Variants in RAI14 observed in about 807,000 individuals in gnomAD.
The protein encoded by RAI14 is retinoic acid induced 14, also known as ankycorbin.
RAI14 carries 45 observed loss-of-function variants against 115.4 expected under a neutral mutation model. The ratio of observed to expected loss-of-function variants is 0.39; its 90% confidence interval spans 0.31 to 0.50. The LOEUF (loss-of-function observed/expected upper bound fraction) is 0.50, where lower values mean the gene tolerates loss of function less well. RAI14 is among the 20% of genes least tolerant of loss of function. The pLI, the probability that RAI14 is intolerant of heterozygous loss-of-function variation, is 0.85. For synonymous variants in RAI14, 371 were observed against 415.4 expected (o/e 0.89, Z 1.30); for missense variants, 939 against 1,131.2 (o/e 0.83, Z 2.44).
chr5:34,807,722 C>A, intron 5 of RAI14, 78 bp from the exon 6 acceptor site: 2 of 1,126,238 alleles, frequency 1.8e-6, no homozygotes, highest in Non-Finnish European at 2.7e-6. Context: ...CACATCATAC[C>A]TTGCAGGAAA....
intron 2 of RAI14, among the ~76,000 whole-genome samples, chr5:34,689,522 A>G (rs1329746949): frequency 2.0e-5 from 3 of 152,152 alleles, no homozygotes; most frequent in South Asian, 2.1e-4. Context: ...ATTCCTCACT[A>G]GAAAAGTGGA....
chr5:34,702,988 G>T (rs1406699991), intron 2 of RAI14, among the ~76,000 whole-genome samples: 1 of 152,202 alleles, frequency 6.6e-6, no homozygotes, highest in African/African-American at 2.4e-5. Context: ...TTATAGGCGT[G>T]AGCCACCATG....
Position 34,676,348 on chromosome 5 carries a change from C to G in RAI14, c.-48-10524C>G, listed in dbSNP as rs1401053618. On this transcript the variant is annotated intron_variant, in intron 1 of 17. Transcript: ENST00000265109. Reference sequence around the variant, plus strand: ...TAGACGGTGGTATTGTAATGAACATCAAAAGATAAGTAACACAGAACAGGA... The same window carrying G: ...TAGACGGTGGTATTGTAATGAACATGAAAAGATAAGTAACACAGAACAGGA... Among the ~76,000 whole-genome samples, 4 of 152,262 alleles carry G rather than the reference C, an allele frequency of 2.6e-5. No individual in the cohort carries two copies. The East Asian group carries it at 7.7e-4, about 29-fold the overall frequency.
Position 34,824,128 on chromosome 5 carries a change from A to G in RAI14, c.2286A>G (p.Glu762=), listed in dbSNP as rs760238753. ...TTAAGGAACACCTTGCAAGCAAGGA[A>G]GTGGAAGTAGCAAAGCTGGAGAAAC... ...SNLKEHLASK[E]VEVAKLEKQL... is the part of the protein sequence containing the mutation. The change falls in exon 15 of 18, where the codon GAA becomes GAG. Residue 762 remains glutamate, a synonymous_variant. Transcript: ENST00000265109. 3.8e-5 allele frequency: 62 copies of G among 1,613,858 alleles called. No individual in the cohort carries two copies. Among genetic ancestry groups the G allele is most frequent in the Non-Finnish European group, 4.8e-5 (57 of 1,179,832 alleles).
chr5:34,665,951 C>A (rs753093117), intron 1 of RAI14, among the ~76,000 whole-genome samples: 2 of 152,118 alleles, frequency 1.3e-5, no homozygotes, highest in Non-Finnish European at 2.9e-5. Flanking sequence ...ATACTATTGA[C>A]CATTTTTAGG....
At chr5:34,724,197 G>A (rs998362442) in intron 2 of RAI14, among the ~76,000 whole-genome samples, 2 of 151,978 alleles carry the variant, frequency 1.3e-5, no homozygotes, top group African/African-American at 4.8e-5. Flanking sequence ...TTGTATTTTA[G>A]TAGAGTCGGG....
intron 1 of RAI14, among the ~76,000 whole-genome samples, chr5:34,666,070 G>A (rs1258151791): frequency 1.3e-5 from 2 of 152,180 alleles, no homozygotes; most frequent in Admixed American, 1.3e-4. Flanking sequence ...TGAGTCTTAA[G>A]TTTCTCACCC....
At chr5:34,818,409 CAT>C (rs1327113916) in intron 12 of RAI14, among the ~76,000 whole-genome samples, 1 of 152,192 alleles carries the variant, frequency 6.6e-6, no homozygotes, top group African/African-American at 2.4e-5. Flanking sequence ...ATAATGCAGA[CAT>C]ATAGAACTTC....
chr5:34,693,990 C>A (rs766258164), intron 2 of RAI14, among the ~76,000 whole-genome samples: 16 of 152,148 alleles, frequency 1.1e-4, no homozygotes, highest in Non-Finnish European at 1.9e-4. Context: ...TCCAGTGGTG[C>A]CAGTAAAACA....
intron 2 of RAI14, among the ~76,000 whole-genome samples, chr5:34,693,683 C>T (rs180790397): frequency 2.0e-5 from 3 of 152,306 alleles, no homozygotes; most frequent in East Asian, 3.9e-4. Flanking sequence ...TGGTAACTCT[C>T]CTGGTTTTTC....
Position 34,665,198 on chromosome 5 carries a change from T to TATATATACAC in RAI14, c.-49+8724_-49+8725insTATATACACA, listed in dbSNP as rs369742853. Among the ~76,000 whole-genome samples, 2 of 75,710 alleles carry TATATATACAC rather than the reference T, an allele frequency of 2.6e-5. 1 individual carries two copies. The highest frequency in any genetic ancestry group is 9.9e-5 in the African/African-American group (2 of 20,178). The allele number at this position is 75,710 out of a possible 152,430, so 49.7% of individuals were successfully genotyped here. A position where few individuals can be genotyped will look rare whatever the true frequency, so the allele number is the denominator to read the frequency against. ...ACACACATATATATATGTATATATATACACACACCACAGTTTCTTTATCCA... is the reference window on the plus strand; with the variant it reads ...ACACACATATATATATGTATATATATATATATACACACACACACCACAGTTTCTTTATCCA... On this transcript the variant is annotated intron_variant, in intron 1 of 17. Coordinates refer to ENST00000265109, the MANE Select transcript of RAI14 (RefSeq NM_015577.3).
At chr5:34,686,845 A>G in intron 1 of RAI14, 27 bp from the exon 2 acceptor site, 3 of 1,442,662 alleles carry the variant, frequency 2.1e-6, no homozygotes, top group Non-Finnish European at 2.9e-6. Context: ...TTGGAAACCT[A>G]CATATGTCCT....
intron 1 of RAI14, among the ~76,000 whole-genome samples, chr5:34,660,972 C>T (rs1400437977): frequency 3.3e-5 from 5 of 152,106 alleles, no homozygotes; most frequent in Non-Finnish European, 7.4e-5. Context: ...GTTGAGACAC[C>T]TCCTTCCAGT....
chr5:34,735,482 A>C (rs1744751918), intron 2 of RAI14, among the ~76,000 whole-genome samples: 1 of 152,216 alleles, frequency 6.6e-6, no homozygotes, highest in African/African-American at 2.4e-5. Flanking sequence ...AGCTTTTAGT[A>C]AGTTTCACAA....
At chr5:34,665,846 C>T (rs555445287) in intron 1 of RAI14, among the ~76,000 whole-genome samples, 8 of 152,236 alleles carry the variant, frequency 5.3e-5, no homozygotes, top group Non-Finnish European at 5.9e-5. Context: ...ACCCACAGTT[C>T]GAAAACCTAT....
intron 1 of RAI14, among the ~76,000 whole-genome samples, chr5:34,659,799 G>C (rs1035755180): frequency 1.3e-5 from 2 of 152,092 alleles, no homozygotes; most frequent in African/African-American, 4.8e-5. Flanking sequence ...GCTATCTGTT[G>C]ACTAAAAAAG....
intron 2 of RAI14, among the ~76,000 whole-genome samples, chr5:34,737,045 T>C (rs1744961166): frequency 6.6e-6 from 1 of 152,146 alleles, no homozygotes; most frequent in Non-Finnish European, 1.5e-5. Flanking sequence ...GAACTGATCA[T>C]GTGAGGGATC....
In RAI14 at chr5:34,824,450, G is replaced by T. The variant is rs1048944; in HGVS notation, c.2608G>T (p.Ala870Ser). The stretch of plus-strand genomic sequence containing the variant: ...AGAACTTGCAGAAATGAAAAGATAC[G>T]CTGAGAGCTCTTCAAAACTGGAGGA... ...QEELAEMKRY[A>S]ESSSKLEEDK... The change falls in exon 15 of 18, where the codon GCT becomes TCT. Residue 870 changes from alanine to serine, a missense_variant. By Grantham distance (99) the Ala-to-Ser change is moderately conservative (BLOSUM62 1). Coordinates refer to ENST00000265109, the MANE Select transcript of RAI14 (RefSeq NM_015577.3). The T allele has an allele frequency of 0.48, 773,310 of 1,597,522 alleles. 189,267 individuals are homozygous for T. Among genetic ancestry groups the T allele is most frequent in the Admixed American group, 0.58 (33,666 of 58,522 alleles).
intron 3 of RAI14, among the ~76,000 whole-genome samples, chr5:34,794,684 G>A (rs10070053): frequency 0.34 from 52,392 of 151,948 alleles, 9,844 homozygotes; most frequent in Non-Finnish European, 0.42. Context: ...GCACAGAGAG[G>A]TTAAAATGAC....
Sources: gnomAD v4.1 joint callset for allele counts (sites outside exome capture counted in the v4.1 genomes callset) on GRCh38, gnomAD v4.1.1 for gene constraint, MANE v1.5 for transcripts, NCBI Gene and HGNC (gene_info 2026-07-23, HGNC 2026-07-21) for gene names.